DHX34: variants seen among roughly 807,000 people sequenced by gnomAD.
DHX34 encodes the protein DExH-box helicase 34.
Under a neutral mutation model 111.1 loss-of-function variants are expected in DHX34, and 96 were observed. The ratio of observed to expected loss-of-function variants is 0.86; its 90% CI spans 0.73 to 1.02. The LOEUF (loss-of-function observed/expected upper bound fraction) is 1.02. Among genes scored for constraint, DHX34 ranks in the 50% least tolerant of loss-of-function variants. The pLI is 0.00. For missense variants in DHX34, 1,560 were observed against 1,579.9 expected (o/e 0.99, Z 0.21); for synonymous variants, 688 against 670.4 (o/e 1.03, Z -0.41).
rs1488805157 is a variant in DHX34, at chr19:47,380,800, G to C, written c.2983-16G>C. The C allele has an allele frequency of 4.3e-6, 7 of 1,613,476 alleles. No individual in the cohort carries two copies. The highest frequency in any genetic ancestry group is 4.0e-5 in the African/African-American group (3 of 74,872). On this transcript the variant is annotated splice_polypyrimidine_tract_variant and intron_variant, in intron 14 of 16. Transcript: ENST00000328771. ...CTGAGTCTGTCTCTCTCCATTTCCT[G>C]TCTCTCCTTCCTTAGATTCCTTACA...
intron 5 of DHX34, among the ~76,000 whole-genome samples, chr19:47,360,909 T>C (rs1218662369): frequency 6.6e-6 from 1 of 151,918 alleles, no homozygotes; most frequent in Non-Finnish European, 1.5e-5. Flanking sequence ...TGACCTCAAG[T>C]GCTGCCTGCC....
chr19:47,372,649 AGGGCAGGCTG>A (rs1384911580), intron 7 of DHX34, 71 bp from the exon 8 acceptor site: 1 of 1,439,892 alleles, frequency 6.9e-7, no homozygotes, highest in African/African-American at 1.6e-5. Context: ...GGCAGGCGGG[AGGGCAGGCTG>A]GGGCCCCGAG....
At chr19:47,365,314 T>G (rs1424508823) in intron 6 of DHX34, among the ~76,000 whole-genome samples, 1 of 151,960 alleles carries the variant, frequency 6.6e-6, no homozygotes, top group Non-Finnish European at 1.5e-5. Context: ...TGCAGTGGTG[T>G]TATCTCGGCT....
chr19:47,377,836 G>T (rs1015497209), intron 13 of DHX34, among the ~76,000 whole-genome samples: 1 of 152,024 alleles, frequency 6.6e-6, no homozygotes, highest in Non-Finnish European at 1.5e-5. Flanking sequence ...CCCGGTGGAG[G>T]CTGAGGCCGA....
At chr19:47,350,814 A>C (rs1347432670) in intron 1 of DHX34, among the ~76,000 whole-genome samples, 3 of 152,076 alleles carry the variant, frequency 2.0e-5, no homozygotes, top group Non-Finnish European at 4.4e-5. Context: ...TACAGAGAAA[A>C]ATCAGACTAC....
At chr19:47,360,334 C>T (rs1055527472) in intron 5 of DHX34, among the ~76,000 whole-genome samples, 20 of 152,142 alleles carry the variant, frequency 1.3e-4, no homozygotes, top group African/African-American at 4.3e-4. Flanking sequence ...TGGAGGGTCA[C>T]GTTAGTGCTG....
intron 7 of DHX34, 64 bp downstream of exon 7, chr19:47,367,219 C>T (rs1221689997): frequency 1.5e-6 from 2 of 1,344,422 alleles, no homozygotes; most frequent in African/African-American, 3.0e-5. Flanking sequence ...ACAGCTCACT[C>T]TCTGAGTGGC....
rs779761256 is a variant in DHX34 at position 47,353,108 on chromosome 19, G to T, written c.78G>T (p.Glu26Asp). Residue 26 changes from glutamate (E) to aspartate (D), a missense_variant, in exon 2 of 17, where the codon GAG (glutamate) becomes GAT (aspartate). By Grantham distance (45) the Glu-to-Asp change is conservative (BLOSUM62 2). Coordinates refer to ENST00000328771, the MANE Select transcript of DHX34 (RefSeq NM_014681.6). The surrounding 1 kb of genome is among the most constrained non-coding windows in gnomAD (Gnocchi z 4.6). ...CTCCCAGCGAGGAAGAGGCCTTGGA[G>T]AAATGGGACTGGAATTGTCCAGAGA... ...HRAPSEEEALEKWDWNCPETR... is the reference protein window; with the variant it reads ...HRAPSEEEALDKWDWNCPETR... 2 of 1,614,184 alleles carry T rather than the reference G, an allele frequency of 1.2e-6. No individual in the cohort carries two copies. Among genetic ancestry groups the T allele is most frequent in the Non-Finnish European group, 1.7e-6 (2 of 1,180,032 alleles).
chr19:47,352,143 C>T (rs1969306619), intron 1 of DHX34, among the ~76,000 whole-genome samples: 1 of 152,156 alleles, frequency 6.6e-6, no homozygotes, highest in African/African-American at 2.4e-5. Context: ...TGAAACATCC[C>T]CTCCTCCCAG....
At chr19:47,379,111 AGAGT>A (rs1970263608) in intron 13 of DHX34, among the ~76,000 whole-genome samples, 1 of 152,128 alleles carries the variant, frequency 6.6e-6, no homozygotes, top group Non-Finnish European at 1.5e-5. Flanking sequence ...CCTGGGCAAC[AGAGT>A]GAGACTCATC....
At chr19:47,373,770 T>A in intron 9 of DHX34, 70 bp downstream of exon 9, 2 of 1,540,514 alleles carry the variant, frequency 1.3e-6, no homozygotes, top group Non-Finnish European at 1.8e-6. Context: ...TCCAGAACAC[T>A]GCTTCCCCTT....
rs1022941466 is a variant in DHX34 at position 47,376,384 on chromosome 19, A to T, written c.2482-59A>T. 1.5e-5 allele frequency: 24 copies of T among 1,569,428 alleles called. No homozygotes were observed. The African/African-American group carries it at 3.1e-4, about 20-fold the overall frequency. The stretch of plus-strand genomic sequence containing the variant: ...CTGGGCCAGAGGGTGGAGGAGAGGC[A>T]TCCTGGGCAGAGGAGAGAGCAGATA... On this transcript the variant is annotated intron_variant, in intron 11 of 16. Transcript: ENST00000328771.
At chr19:47,355,431 C>T (rs1450407506) in intron 3 of DHX34, 81 bp downstream of exon 3, 6 of 1,524,896 alleles carry the variant, frequency 3.9e-6, no homozygotes, top group African/African-American at 2.8e-5. Flanking sequence ...CTTCTCTCTG[C>T]TGCTGTATCT....
intron 7 of DHX34, among the ~76,000 whole-genome samples, chr19:47,369,356 G>A (rs1217462256): frequency 1.3e-5 from 2 of 152,156 alleles, no homozygotes; most frequent in Non-Finnish European, 2.9e-5. Flanking sequence ...CGGCCGTGCT[G>A]GTCTTGAACT....
intron 6 of DHX34, among the ~76,000 whole-genome samples, chr19:47,365,835 C>T (rs1969772774): frequency 6.6e-6 from 1 of 152,202 alleles, no homozygotes. Flanking sequence ...TTAATTCTCC[C>T]ACCATCTACT....
intron 12 of DHX34, chr19:47,376,878 CT>C: frequency 2.6e-6 from 4 of 1,533,394 alleles, no homozygotes; most frequent in East Asian, 2.4e-5. Flanking sequence ...GGAGGCCCCC[CT>C]GGCACCCGTG....
intron 16 of DHX34, 118 bp downstream of exon 16, chr19:47,381,442 C>T: frequency 7.1e-7 from 1 of 1,402,526 alleles, no homozygotes; most frequent in South Asian, 1.4e-5. Context: ...CCTCCACCCG[C>T]TGGCCCTGGC....
intron 7 of DHX34, among the ~76,000 whole-genome samples, chr19:47,367,895 CAAAAAAAAAA>C (rs1226350533): frequency 6.5e-5 from 3 of 46,172 alleles, no homozygotes; most frequent in African/African-American, 2.5e-4. Flanking sequence ...GACTCCATCT[CAAAAAAAAAA>C]AAAAAAAAAA....
In DHX34 at chr19:47,372,901, A is replaced by G; in HGVS notation, c.1940A>G (p.Asn647Ser). Reference sequence around the variant, plus strand: ...CAGGGTGACCCCTTCACGCTCTTCAACGTCTTCAACGCCTGGGTGCAGGTG... The same window carrying G: ...CAGGGTGACCCCTTCACGCTCTTCAGCGTCTTCAACGCCTGGGTGCAGGTG... ...SDQGDPFTLF[N>S]VFNAWVQVKS... is the part of the protein sequence containing the mutation. Residue 647 changes from asparagine (N) to serine (S), a missense_variant, in exon 8 of 17, where the codon AAC (asparagine) becomes AGC (serine). Transcript: ENST00000328771. 2 of 1,603,484 alleles carry G rather than the reference A, an allele frequency of 1.2e-6. No individual in the cohort carries two copies. Among genetic ancestry groups the G allele is most frequent in the African/African-American group, 1.3e-5 (1 of 74,954 alleles).
Sources: gnomAD v4.1 joint callset for allele counts (sites outside exome capture counted in the v4.1 genomes callset) on GRCh38, gnomAD v4.1.1 for gene constraint, Gnocchi (gnomAD v3.1) non-coding constraint, MANE v1.5 for transcripts, NCBI Gene and HGNC (gene_info 2026-07-23, HGNC 2026-07-21) for gene names.